Variants in NCKAP5 observed in about 807,000 individuals in gnomAD.
The protein encoded by NCKAP5 is NCK associated protein 5.
In NCKAP5, 92 loss-of-function variants were observed where a neutral mutation model predicts 167.0. The observed-to-expected ratio is 0.55, with a 90% CI of 0.47 to 0.66. The LOEUF (loss-of-function observed/expected upper bound fraction) is 0.66. Ranked by LOEUF, NCKAP5 falls within the 30% of genes least tolerant of loss-of-function variation. NCKAP5 has a pLI of 0.00. For missense variants in NCKAP5, 2,378 were observed against 2,315.0 expected (o/e 1.03, Z -0.56); for synonymous variants, 891 against 877.4 (o/e 1.02, Z -0.27).
the NCKAP5 span, among the ~76,000 whole-genome samples, chr2:133,593,770 T>C: frequency 6.6e-6 from 1 of 152,348 alleles, no homozygotes; most frequent in South Asian, 2.1e-4. Context: ...ATTCTTCTCT[T>C]CCAGCCTCTG....
chr2:133,262,594 T>C (rs924700924), intron 4 of NCKAP5, among the ~76,000 whole-genome samples: 1 of 152,200 alleles, frequency 6.6e-6, no homozygotes, highest in Admixed American at 6.5e-5. Context: ...CAGTGTTTAT[T>C]AGGAGAAAGA....
chr2:132,847,794 A>G (rs1415141808), intron 11 of NCKAP5, among the ~76,000 whole-genome samples: 3 of 152,232 alleles, frequency 2.0e-5, no homozygotes, highest in Non-Finnish European at 4.4e-5. Context: ...GATACAAAAG[A>G]GTATATCTTA....
intron 6 of NCKAP5, among the ~76,000 whole-genome samples, chr2:133,121,158 G>A (rs375499507): frequency 2.9e-4 from 44 of 152,062 alleles, no homozygotes; most frequent in African/African-American, 5.3e-4. Flanking sequence ...TCCCAAGTAC[G>A]GTAATCAACA....
At chr2:133,165,735 C>A (rs2083972812) in intron 5 of NCKAP5, among the ~76,000 whole-genome samples, 1 of 152,246 alleles carries the variant, frequency 6.6e-6, no homozygotes, top group Non-Finnish European at 1.5e-5. Context: ...CACCTGCCAT[C>A]TTTGGTATCA....
At chr2:133,312,279 T>A (rs1681293451) in intron 3 of NCKAP5, among the ~76,000 whole-genome samples, 2 of 152,206 alleles carry the variant, frequency 1.3e-5, no homozygotes, top group Admixed American at 1.3e-4. Flanking sequence ...AGTAGACTAA[T>A]GCCGATCAGA....
At chr2:133,280,079 T>C (rs1226412062) in intron 4 of NCKAP5, among the ~76,000 whole-genome samples, 3 of 152,236 alleles carry the variant, frequency 2.0e-5, no homozygotes, top group African/African-American at 7.2e-5. Context: ...TACACATATA[T>C]AGTACCTGTA....
intron 8 of NCKAP5, among the ~76,000 whole-genome samples, chr2:132,894,219 G>A (rs1574545506): frequency 1.3e-5 from 2 of 152,150 alleles, no homozygotes; most frequent in Non-Finnish European, 2.9e-5. Flanking sequence ...ATAAAACAGC[G>A]GCACTGAGGC....
chr2:133,269,403 T>G (rs1391969005), intron 4 of NCKAP5, among the ~76,000 whole-genome samples: 2 of 151,976 alleles, frequency 1.3e-5, no homozygotes, highest in African/African-American at 2.4e-5. Flanking sequence ...GAGTTCTCAG[T>G]AAAAATCTCA....
intron 16 of NCKAP5, among the ~76,000 whole-genome samples, chr2:132,762,803 C>G (rs1032966984): frequency 6.6e-6 from 1 of 152,228 alleles, no homozygotes; most frequent in South Asian, 2.1e-4. Context: ...GAGAAACACA[C>G]GGCTGCTATC....
At chr2:133,039,050 C>A (rs1418185526) in intron 6 of NCKAP5, among the ~76,000 whole-genome samples, 2 of 152,132 alleles carry the variant, frequency 1.3e-5, no homozygotes, top group African/African-American at 4.8e-5. Context: ...AAGGATGTGG[C>A]CACCAACACC....
At chr2:133,126,808 C>T (rs1295383462) in intron 6 of NCKAP5, among the ~76,000 whole-genome samples, 11 of 152,148 alleles carry the variant, frequency 7.2e-5, no homozygotes, top group African/African-American at 2.4e-4. Flanking sequence ...ATTACATGCT[C>T]ATACTCAGAA....
At chr2:133,145,318 C>A (rs1373260351) in intron 5 of NCKAP5, among the ~76,000 whole-genome samples, 4 of 151,916 alleles carry the variant, frequency 2.6e-5, no homozygotes, top group African/African-American at 7.2e-5. Context: ...GGAAGGGGAA[C>A]ATCACATACC....
rs767783634 is a variant in NCKAP5, at chr2:132,785,336, G to A, written c.1475C>T (p.Pro492Leu). The A allele has an allele frequency of 6.2e-7, 1 of 1,613,538 alleles. No individual in the cohort carries two copies. Among genetic ancestry groups the A allele is most frequent in the East Asian group, 2.2e-5 (1 of 44,874 alleles). ...GCCATGTGGCCTGCAGCTCTGGTTT[G>A]GAACTGCTTGGAGCAATGCTAAGGT... ...PSTLALLQAV[P>L]NQSCRPHGSK... The change falls in exon 14 of 20, where the codon CCA becomes CTA. Residue 492 changes from proline (P) to leucine (L), a missense_variant. Transcript: ENST00000409261.
intron 9 of NCKAP5, among the ~76,000 whole-genome samples, chr2:132,873,068 G>A (rs992609841): frequency 6.6e-6 from 1 of 152,058 alleles, no homozygotes; most frequent in Admixed American, 6.5e-5. Context: ...AAAATATAAT[G>A]CATGTTCAGG....
chr2:132,861,235 T>A (rs1403660901), intron 10 of NCKAP5, among the ~76,000 whole-genome samples: 8 of 152,140 alleles, frequency 5.3e-5, no homozygotes, highest in African/African-American at 1.7e-4. Context: ...GAAGCACACT[T>A]AGCCCATTCT....
rs1314157115 is a variant in NCKAP5 at position 132,734,835 on chromosome 2, A to T, written c.5129-2784T>A. Among the ~76,000 whole-genome samples, 7 of 151,768 alleles carry T rather than the reference A, an allele frequency of 4.6e-5. No individual in the cohort carries two copies. In the South Asian group the frequency reaches 1.3e-3, roughly 27 times the overall value. ...TGCTCTTAGCCACCAAGCTATACTG[A>T]TTCCCCGCAGAAGCACAAGTAAACC... On this transcript the variant is annotated intron_variant, in intron 16 of 19. Coordinates refer to ENST00000409261, the MANE Select transcript of NCKAP5 (RefSeq NM_207363.3).
At chr2:133,112,895 G>A (rs1340988368) in intron 6 of NCKAP5, among the ~76,000 whole-genome samples, 1 of 152,228 alleles carries the variant, frequency 6.6e-6, no homozygotes, top group Non-Finnish European at 1.5e-5. Context: ...AGATGACCCA[G>A]GGCCAGATGT....
chr2:133,086,954 C>T (rs756869739), intron 6 of NCKAP5, among the ~76,000 whole-genome samples: 1 of 152,044 alleles, frequency 6.6e-6, no homozygotes, highest in Non-Finnish European at 1.5e-5. Flanking sequence ...GTTGACATTG[C>T]TTGAGTAAAT....
the NCKAP5 span, among the ~76,000 whole-genome samples, chr2:133,662,980 G>A: frequency 3.3e-5 from 5 of 152,012 alleles, no homozygotes; most frequent in Non-Finnish European, 5.9e-5. Context: ...TAAAAAAAAT[G>A]CCGGGGCCGG....
Sources: gnomAD v4.1 joint callset for allele counts (sites outside exome capture counted in the v4.1 genomes callset) on GRCh38, gnomAD v4.1.1 for gene constraint, MANE v1.5 for transcripts, NCBI Gene and HGNC (gene_info 2026-07-23, HGNC 2026-07-21) for gene names.